Variants in C11orf16 observed in about 807,000 individuals in gnomAD.
C11orf16 encodes chromosome 11 open reading frame 16, also known as uncharacterized protein C11orf16.
Under a neutral mutation model 45.1 loss-of-function variants are expected in C11orf16, and 38 were observed. The observed-to-expected ratio is 0.84, with a 90% CI of 0.65 to 1.10. The LOEUF (loss-of-function observed/expected upper bound fraction) is 1.10, where lower values mean the gene tolerates loss of function less well. Ranked by LOEUF, C11orf16 falls within the 50% of genes least tolerant of loss-of-function variation. C11orf16 has a pLI of 0.00. For missense variants in C11orf16, 583 were observed against 569.5 expected (o/e 1.02, Z -0.24); for synonymous variants, 221 against 222.0 (o/e 1.00, Z 0.04).
rs377448909 is a variant in C11orf16 at position 8,925,754 on chromosome 11, C to G, written c.913G>C (p.Glu305Gln). 6.2e-6 allele frequency: 10 copies of G among 1,614,140 alleles called. No homozygotes were observed. The African/African-American group carries it at 1.3e-4, about 22-fold the overall frequency. Reference protein sequence around the residue: ...LTRTSEVMARELPELEPTAQL... With the variant: ...LTRTSEVMARQLPELEPTAQL... ...GCTGTGGGCTCCAACTCTGGAAGTT[C>G]TCTGGCCATGACTTCTGAGGTCCTG... Residue 305 changes from glutamate (E) to glutamine (Q), a missense_variant, in exon 5 of 7, where the codon GAA (glutamate) becomes CAA (glutamine). Transcript: ENST00000326053.
chr11:8,924,687 T>G (rs2064597018), intron 5 of C11orf16, among the ~76,000 whole-genome samples: 1 of 152,156 alleles, frequency 6.6e-6, no homozygotes. Context: ...AGCAGTGGTG[T>G]TCCTTCACCT....
rs548250955 is a variant in C11orf16, at chr11:8,930,116, A to G, written c.168-583T>C. ...GCCTGGGTGACAAGGTGAGACCCCT[A>G]TCAAAAAAAAGAAAAGAAAAGAGTG... On this transcript the variant is annotated intron_variant, in intron 2 of 6. Coordinates refer to ENST00000326053, the MANE Select transcript of C11orf16 (RefSeq NM_020643.3). 4.6e-5 allele frequency among the ~76,000 whole-genome samples: 7 copies of G among 151,184 alleles called. No individual in the cohort carries two copies. The East Asian group carries it at 9.7e-4, about 21-fold the overall frequency.
rs776536463 is a variant in C11orf16, at chr11:8,932,285, C to T, written c.24G>A (p.Arg8=). The T allele has an allele frequency of 6.9e-5, 111 of 1,608,976 alleles. No homozygotes were observed. Among genetic ancestry groups the T allele is most frequent in the Non-Finnish European group, 9.2e-5 (108 of 1,177,868 alleles). The change falls in exon 2 of 7, where the codon AGG becomes AGA. Residue 8 remains arginine (R), a synonymous_variant. Transcript: ENST00000326053. ...CGCTGCAGTATTTGAGCAAAGGCATCCTGGGCCCCGTGGAGGATTCCATGG... is the reference window on the plus strand; with the variant it reads ...CGCTGCAGTATTTGAGCAAAGGCATTCTGGGCCCCGTGGAGGATTCCATGG... MESSTGP[R]MPLLKYCSVA...
intron 4 of C11orf16, among the ~76,000 whole-genome samples, 196 bp from the exon 5 acceptor site, chr11:8,926,303 G>T (rs556176102): frequency 3.9e-4 from 57 of 146,488 alleles, no homozygotes; most frequent in Non-Finnish European, 6.0e-4. Context: ...CTCAGCCTCC[G>T]AAGTAGCTTC....
chr11:8,920,493 C>A (rs765179135), intron 6 of C11orf16, 43 bp from the exon 7 acceptor site: 1 of 641,238 alleles, frequency 1.6e-6, no homozygotes, highest in South Asian at 1.8e-5. Context: ...ATGCTGACTG[C>A]AATTTTAAGA....
chr11:8,931,178 C>T (rs1445855808), intron 2 of C11orf16, among the ~76,000 whole-genome samples: 4 of 151,670 alleles, frequency 2.6e-5, no homozygotes, highest in Non-Finnish European at 5.9e-5. Context: ...CCCACATTAG[C>T]TGATTTCTCA....
rs759636515 is a variant in C11orf16 at position 8,921,567 on chromosome 11, A to C, written c.1205-52T>G. ...TTGAATATGCCACCATTTTGATGGC[A>C]TAAGTAGAACTAAAACAAGGATCAC... On this transcript the variant is annotated intron_variant, in intron 5 of 6. Transcript: ENST00000326053. 3 of 1,492,612 alleles carry C rather than the reference A, an allele frequency of 2.0e-6. No homozygotes were observed. The East Asian group carries it at 6.8e-5, about 34-fold the overall frequency. 92.5% of individuals were successfully genotyped at this position (1,492,612 alleles called of 1,614,324 possible).
intron 4 of C11orf16, among the ~76,000 whole-genome samples, chr11:8,926,426 A>G (rs1437288714): frequency 2.0e-5 from 3 of 151,804 alleles, no homozygotes; most frequent in Non-Finnish European, 4.4e-5. Flanking sequence ...CTCCGTGGAG[A>G]GCCTGCCAGG....
In C11orf16 at chr11:8,921,352, G is replaced by C; in HGVS notation, c.1368C>G (p.Ser456Arg). 1 of 1,614,156 alleles carries C rather than the reference G, an allele frequency of 6.2e-7. No individual in the cohort carries two copies. Among genetic ancestry groups the C allele is most frequent in the Non-Finnish European group, 8.5e-7 (1 of 1,180,042 alleles). Residue 456 changes from serine to arginine, a missense_variant, in exon 6 of 7, where the codon AGC (serine) becomes AGG (arginine). Transcript: ENST00000326053. ...GEAEHRKRSQ[S>R]LAICQWNKNS... The stretch of plus-strand genomic sequence containing the variant: ...TCTTGTTCCACTGACATATTGCAAG[G>C]CTCTGACTCCGCTTTCTGTGTTCAG...
rs559649721 is a variant in C11orf16 at position 8,922,623 on chromosome 11, A to G, written c.1205-1108T>C. Among the ~76,000 whole-genome samples, 3 of 152,322 alleles carry G rather than the reference A, an allele frequency of 2.0e-5. No individual in the cohort carries two copies. In the South Asian group the frequency reaches 6.2e-4, roughly 32 times the overall value. ...CTGAAAGTAAGGGAAAGTGTGGAGG[A>G]CAGAGAAACCTATGCAAGAGCTTTT... On this transcript the variant is annotated intron_variant, in intron 5 of 6. Transcript: ENST00000326053.
intron 2 of C11orf16, among the ~76,000 whole-genome samples, chr11:8,931,523 G>T (rs1377905535): frequency 3.4e-4 from 52 of 152,166 alleles, no homozygotes; most frequent in Admixed American, 3.4e-3. Flanking sequence ...CTGAGTAGCT[G>T]GGATTACAGT....
Position 8,925,837 on chromosome 11 carries a change from A to G in C11orf16, c.830T>C (p.Leu277Pro), listed in dbSNP as rs1219418213. 1.2e-6 allele frequency: 2 copies of G among 1,614,134 alleles called. No individual in the cohort carries two copies. The highest frequency in any genetic ancestry group is 1.7e-6 in the Non-Finnish European group (2 of 1,179,966). The part of the protein sequence containing the change: ...LCHHHACCQL[L>P]CQGCLCGCPP... ...GCAGCCACAGAGGCAGCCCTGGCACAGTAGCTGGCAGCAGGCATGATGGTG... is the reference window on the plus strand; with the variant it reads ...GCAGCCACAGAGGCAGCCCTGGCACGGTAGCTGGCAGCAGGCATGATGGTG... The change falls in exon 5 of 7, where the codon CTG becomes CCG. Residue 277 changes from leucine (L) to proline (P), a missense_variant. Leu to Pro is a moderately conservative substitution (Grantham distance 98). Coordinates refer to ENST00000326053, the MANE Select transcript of C11orf16 (RefSeq NM_020643.3).
chr11:8,924,616 G>A (rs2064596527), intron 5 of C11orf16, among the ~76,000 whole-genome samples: 1 of 152,156 alleles, frequency 6.6e-6, no homozygotes, highest in South Asian at 2.1e-4. Context: ...TAGGGCTATG[G>A]TTTCAACCAG....
chr11:8,926,882 G>T, intron 4 of C11orf16, 58 bp downstream of exon 4: 1 of 1,412,288 alleles, frequency 7.1e-7, no homozygotes, highest in Non-Finnish European at 1.0e-6. Context: ...TCTCTCCTCT[G>T]GCCTGATTAC....
intron 2 of C11orf16, 55 bp downstream of exon 2, chr11:8,932,087 A>C (rs2064653145): frequency 1.3e-6 from 2 of 1,482,202 alleles, no homozygotes; most frequent in Non-Finnish European, 1.8e-6. Flanking sequence ...AACAGCCAAG[A>C]ACAAAGGAAA....
chr11:8,924,108 C>T (rs1056187759), intron 5 of C11orf16, among the ~76,000 whole-genome samples: 3 of 152,080 alleles, frequency 2.0e-5, no homozygotes, highest in Non-Finnish European at 4.4e-5. Flanking sequence ...CAGACACACT[C>T]CTCCCCACCC....
intron 6 of C11orf16, 51 bp downstream of exon 6, chr11:8,921,243 G>T: frequency 6.8e-7 from 1 of 1,464,100 alleles, no homozygotes; most frequent in Non-Finnish European, 9.5e-7. Flanking sequence ...AAAGGTCTAA[G>T]ACCCATGTGA....
intron 4 of C11orf16, 84 bp downstream of exon 4, chr11:8,926,856 T>C (rs2064617460): frequency 9.1e-7 from 1 of 1,100,060 alleles, no homozygotes; most frequent in African/African-American, 1.6e-5. Context: ...CCCTAAGCTG[T>C]AGACGCAGCC....
In C11orf16 at chr11:8,930,749, G is replaced by C. The variant is rs1041577019; in HGVS notation, c.168-1216C>G. Among the ~76,000 whole-genome samples, 7 of 152,300 alleles carry C rather than the reference G, an allele frequency of 4.6e-5. 1 individual carries two copies. The highest frequency in any genetic ancestry group is 3.4e-3 in the Middle Eastern group (1 of 294). ...TTTGTGGGCAAGGCTGAATGCAAAG[G>C]GGGCCTGTCTGCCTCCTGCTGCCAT... On this transcript the variant is annotated intron_variant, in intron 2 of 6. Coordinates refer to ENST00000326053, the MANE Select transcript of C11orf16 (RefSeq NM_020643.3).
Sources: gnomAD v4.1 joint callset for allele counts (sites outside exome capture counted in the v4.1 genomes callset) on GRCh38, gnomAD v4.1.1 for gene constraint, MANE v1.5 for transcripts, NCBI Gene and HGNC (gene_info 2026-07-23, HGNC 2026-07-21) for gene names.